Variants in CR1L observed in about 807,000 individuals in gnomAD.
CR1L encodes the protein complement C3b/C4b receptor 1 like.
Under a neutral mutation model 62.3 loss-of-function variants are expected in CR1L, and 59 were observed. The observed-to-expected ratio is 0.95, with a 90% CI of 0.77 to 1.18. The LOEUF (loss-of-function observed/expected upper bound fraction) is 1.18. Among genes scored for constraint, CR1L ranks in the 50% most tolerant of loss-of-function variants. The pLI is 0.00. For synonymous variants in CR1L, 279 were observed against 248.7 expected (o/e 1.12, Z -1.15); for missense variants, 700 against 702.8 (o/e 1.00, Z 0.04).
At chr1:207,669,121 C>G (rs1663567883) in intron 1 of CR1L, 1 of 261,238 alleles carries the variant, frequency 3.8e-6, no homozygotes, top group Non-Finnish European at 7.5e-6. Flanking sequence ...CCATCATCCA[C>G]CGCCTTTGTC....
chr1:207,652,750 CT>C (rs59228006), intron 1 of CR1L: 2,624 of 646,746 alleles, frequency 4.1e-3, no homozygotes, highest in South Asian at 6.1e-3. Context: ...ATAAACTAGC[CT>C]TTTTTTTTTG....
chr1:207,717,671 G>T lies in CR1L; in HGVS notation c.1622G>T (p.Cys541Phe). Residue 541 changes from cysteine (C) to phenylalanine (F), a missense_variant, in exon 11 of 12, where the codon TGT (cysteine) becomes TTT (phenylalanine). Coordinates refer to ENST00000508064, the MANE Select transcript of CR1L (RefSeq NM_175710.2). Reference protein sequence around the residue: ...NGVWSSPAPRCELPVGAGSHD... With the variant: ...NGVWSSPAPRFELPVGAGSHD... ...GTTTGGAGCAGCCCTGCCCCTCGCT[G>T]TGAACTTCCTGTTGGTGCTGGTCAG... is the stretch of plus-strand genomic sequence containing the variant. The T allele has an allele frequency of 6.2e-7, 1 of 1,614,018 alleles. No individual in the cohort carries two copies. The highest frequency in any genetic ancestry group is 8.5e-7 in the Non-Finnish European group (1 of 1,179,896).
At chr1:207,713,060 G>A (rs1442073995) in intron 10 of CR1L, among the ~76,000 whole-genome samples, 1 of 152,176 alleles carries the variant, frequency 6.6e-6, no homozygotes, top group African/African-American at 2.4e-5. Flanking sequence ...TTAATTTATG[G>A]AAGGGTAGTT....
At chr1:207,699,969 A>G (rs79118552) in intron 8 of CR1L, among the ~76,000 whole-genome samples, 1,917 of 152,332 alleles carry the variant, frequency 0.013, 39 homozygotes, top group African/African-American at 0.044. Context: ...TTGAGACTCC[A>G]TAAATTCTCA....
chr1:207,706,572 C>G (rs1664271269), intron 9 of CR1L, among the ~76,000 whole-genome samples: 1 of 152,032 alleles, frequency 6.6e-6, no homozygotes, highest in Non-Finnish European at 1.5e-5. Context: ...AACTCAGATT[C>G]CAGAAATAAA....
intron 4 of CR1L, among the ~76,000 whole-genome samples, chr1:207,685,477 C>T (rs184909583): frequency 4.2e-4 from 64 of 152,324 alleles, no homozygotes; most frequent in African/African-American, 1.3e-3. Context: ...CCCTCTACTT[C>T]GGTTTTAGAG....
At chr1:207,653,098 A>G in intron 1 of CR1L, 1 of 198,170 alleles carries the variant, frequency 5.0e-6, no homozygotes, top group Non-Finnish European at 1.0e-5. Context: ...GTCCATGTAT[A>G]GGTGATCCTT....
chr1:207,682,525 C>A (rs1257714568), intron 3 of CR1L, among the ~76,000 whole-genome samples: 1 of 152,090 alleles, frequency 6.6e-6, no homozygotes. Flanking sequence ...AACATAATAG[C>A]TACTATAATG....
rs1663099344 is a variant in CR1L at position 207,645,274 on chromosome 1, G to T, written c.41G>T (p.Arg14Leu). Residue 14 changes from arginine (R) to leucine (L), a missense_variant, in exon 1 of 12, where the codon CGG (arginine) becomes CTG (leucine). Coordinates refer to ENST00000508064, the MANE Select transcript of CR1L (RefSeq NM_175710.2). Reference sequence around the variant, plus strand: ...CGTCTCGAGCGTCCCTTTCCTTCCCGGCGCTTTCCTGGGTTGCTTCTGGCG... The same window carrying T: ...CGTCTCGAGCGTCCCTTTCCTTCCCTGCGCTTTCCTGGGTTGCTTCTGGCG... ...PVRLERPFPS[R>L]RFPGLLLAAL... 6.2e-7 allele frequency: 1 copy of T among 1,613,798 alleles called. No homozygotes were observed. The highest frequency in any genetic ancestry group is 8.5e-7 in the Non-Finnish European group (1 of 1,180,026).
At chr1:207,667,307 A>G (rs1052564905) in intron 1 of CR1L, among the ~76,000 whole-genome samples, 1 of 152,214 alleles carries the variant, frequency 6.6e-6, no homozygotes, top group Non-Finnish European at 1.5e-5. Context: ...CAGGATGAAA[A>G]CCAAGGTGTT....
At chr1:207,660,506 T>C (rs559374525) in intron 1 of CR1L, among the ~76,000 whole-genome samples, 1 of 152,330 alleles carries the variant, frequency 6.6e-6, no homozygotes, top group South Asian at 2.1e-4. Flanking sequence ...TTTATCATTT[T>C]TTATTGTGTC....
At chr1:207,679,518 T>G (rs1416136334) in intron 3 of CR1L, among the ~76,000 whole-genome samples, 1 of 152,190 alleles carries the variant, frequency 6.6e-6, no homozygotes, top group African/African-American at 2.4e-5. Context: ...ACCATGACTT[T>G]GAAAGACATT....
In CR1L at chr1:207,645,322, C is replaced by A. The variant is rs1663100748; in HGVS notation, c.89C>A (p.Ser30Tyr). ...LLAALVLLLS[S>Y]FSDQCNVPEW... ...GCGGCCCTGGTGTTGCTGCTGTCCT[C>A]CTTCTCCGGTAGGACCCCGGGGTGG... is the stretch of plus-strand genomic sequence containing the variant. Residue 30 changes from serine to tyrosine, a missense_variant, in exon 1 of 12, where the codon TCC becomes TAC. Physicochemically the swap from Ser to Tyr is moderately radical, Grantham distance 144 (BLOSUM62 -2). Coordinates refer to ENST00000508064, the MANE Select transcript of CR1L (RefSeq NM_175710.2). The A allele has an allele frequency of 1.2e-6, 2 of 1,614,052 alleles. No homozygotes were observed. The highest frequency in any genetic ancestry group is 2.7e-5 in the African/African-American group (2 of 75,054).
intron 4 of CR1L, among the ~76,000 whole-genome samples, chr1:207,689,946 T>C (rs1466893389): frequency 6.6e-6 from 1 of 152,150 alleles, no homozygotes; most frequent in Admixed American, 6.5e-5. Context: ...GTAAATTCTG[T>C]AGTGGTACTC....
intron 4 of CR1L, among the ~76,000 whole-genome samples, chr1:207,684,326 C>A (rs976823235): frequency 6.8e-5 from 9 of 132,408 alleles, no homozygotes; most frequent in Non-Finnish European, 1.0e-4. Context: ...GTGGAAGAAC[C>A]TGGACTCTCA....
intron 1 of CR1L, among the ~76,000 whole-genome samples, chr1:207,663,266 G>T (rs1394420387): frequency 2.6e-5 from 4 of 152,226 alleles, no homozygotes; most frequent in African/African-American, 9.6e-5. Context: ...AGGCAGGCAG[G>T]CCTCCTTGAG....
chr1:207,701,003 A>C (rs1483276045), intron 8 of CR1L, among the ~76,000 whole-genome samples: 1 of 152,184 alleles, frequency 6.6e-6, no homozygotes, highest in African/African-American at 2.4e-5. Flanking sequence ...TTTTTTCAAA[A>C]GCGTTCAGAT....
intron 4 of CR1L, among the ~76,000 whole-genome samples, chr1:207,686,893 T>G (rs1663919907): frequency 6.6e-6 from 1 of 152,108 alleles, no homozygotes; most frequent in Non-Finnish European, 1.5e-5. Context: ...CCAGAAGAGC[T>G]CCTTTGCCCC....
intron 1 of CR1L, among the ~76,000 whole-genome samples, chr1:207,677,051 G>C (rs755299963): frequency 6.6e-6 from 1 of 152,088 alleles, no homozygotes; most frequent in Non-Finnish European, 1.5e-5. Flanking sequence ...TTTCAGCAGG[G>C]CATGGTGGCT....
Sources: gnomAD v4.1 joint callset for allele counts (sites outside exome capture counted in the v4.1 genomes callset) on GRCh38, gnomAD v4.1.1 for gene constraint, MANE v1.5 for transcripts, NCBI Gene and HGNC (gene_info 2026-07-23, HGNC 2026-07-21) for gene names.